LTN1: variants seen among roughly 807,000 people sequenced by gnomAD.
LTN1 encodes the protein listerin E3 ubiquitin protein ligase 1.
LTN1 carries 88 observed loss-of-function variants against 201.2 expected under a neutral mutation model. The observed-to-expected ratio is 0.44, with a 90% confidence interval of 0.37 to 0.52. The LOEUF is 0.52. LTN1 is among the 20% of genes least tolerant of loss of function. The pLI, the probability that LTN1 is intolerant of heterozygous loss-of-function variation, is 0.00. For missense variants in LTN1, 1,752 were observed against 2,038.7 expected, an observed-to-expected ratio of 0.86 and a Z score of 2.71; for synonymous variants, 645 against 713.5, an observed-to-expected ratio of 0.90 and a Z score of 1.53.
intron 26 of LTN1, among the ~76,000 whole-genome samples, chr21:28,935,670 C>T (rs1247873524): frequency 6.6e-6 from 1 of 151,928 alleles, no homozygotes; most frequent in Non-Finnish European, 1.5e-5. Context: ...GAAACCCCGT[C>T]TCTACTAAAA....
At position 28,931,182 on chromosome 21, in the gene LTN1, G is replaced by T; in HGVS notation, c.5211C>A (p.Cys1737Ter). The T allele has an allele frequency of 6.2e-7, 1 of 1,610,536 alleles. No individual in the cohort carries two copies. Among genetic ancestry groups the T allele is most frequent in the Non-Finnish European group, 8.5e-7 (1 of 1,179,024 alleles). The change falls in exon 29 of 30, where the codon TGC becomes TGA. Residue 1737 changes from cysteine (C) to a stop codon, truncating the protein, a stop_gained. Coordinates refer to ENST00000361371, the MANE Select transcript of LTN1 (RefSeq NM_015565.3). LOFTEE classifies it high-confidence loss of function. ...YSLPKKACRT[C>*]KKKFHSACLY... ...AGCAGGCTGAATGGAATTTTTTCTT[G>T]CATGTTCTACAGGCTTTTTTGGGAA... is the stretch of plus-strand genomic sequence containing the variant.
chr21:28,935,357 TAACATATA>T, intron 26 of LTN1, 28 bp from the exon 27 acceptor site: 1 of 1,319,830 alleles, frequency 7.6e-7, no homozygotes, highest in East Asian at 2.5e-5. Context: ...TATTGATTAG[TAACATATA>T]TTTCTTATAT....
rs780481832 is a variant in LTN1, at chr21:28,959,491, A to C, written c.2560T>G (p.Cys854Gly). 6.2e-7 allele frequency: 1 copy of C among 1,613,894 alleles called. No individual in the cohort carries two copies. The highest frequency in any genetic ancestry group is 8.5e-7 in the Non-Finnish European group (1 of 1,179,938). The change falls in exon 13 of 30, where the codon TGT becomes GGT. Residue 854 changes from cysteine (C) to glycine (G), a missense_variant. Physicochemically the swap from Cys to Gly is radical, Grantham distance 159 (BLOSUM62 -3). Transcript: ENST00000361371. ...TGTGTTTTTTCTTTGCTCTGAGCAC[A>C]TAACTGAAAGAGAGTTAATAATAAA... Reference protein sequence around the residue: ...EDLLLTLFQLCAQSKEKTHLP... With the variant: ...EDLLLTLFQLGAQSKEKTHLP...
chr21:28,992,330 G>A (rs2084753168), intron 1 of LTN1, among the ~76,000 whole-genome samples: 1 of 152,102 alleles, frequency 6.6e-6, no homozygotes, highest in Admixed American at 6.6e-5. Flanking sequence ...CATCCTAAGA[G>A]CTTTAGCTTA....
At position 28,969,448 on chromosome 21, in the gene LTN1, C is replaced by T; in HGVS notation, c.1311+18G>A. On this transcript the variant is annotated intron_variant, in intron 9 of 29. Transcript: ENST00000361371. Reference sequence around the variant, plus strand: ...AATCAGTATGCAAAGAGACTGACGACTTTTACATTATAGATACCTGATCAT... The same window carrying T: ...AATCAGTATGCAAAGAGACTGACGATTTTTACATTATAGATACCTGATCAT... 6.3e-7 allele frequency: 1 copy of T among 1,598,894 alleles called. No individual in the cohort carries two copies. Among genetic ancestry groups the T allele is most frequent in the Non-Finnish European group, 8.5e-7 (1 of 1,175,012 alleles).
chr21:28,969,198 G>C (rs935438624), intron 9 of LTN1, among the ~76,000 whole-genome samples: 11 of 150,922 alleles, frequency 7.3e-5, no homozygotes, highest in African/African-American at 2.7e-4. Flanking sequence ...TCCAGCCTGG[G>C]CAACAAAGAG....
chr21:28,932,655 G>C lies in LTN1; in HGVS notation c.4885C>G (p.Arg1629Gly), dbSNP rs1375914523. 6.2e-7 allele frequency: 1 copy of C among 1,607,952 alleles called. No individual in the cohort carries two copies. The highest frequency in any genetic ancestry group is 1.1e-5 in the South Asian group (1 of 89,732). ...GCCATTACCTCTCGAGTAGTAGCTCGAGCTTTAACCTGCAATACAACAAAG... is the reference window on the plus strand; with the variant it reads ...GCCATTACCTCTCGAGTAGTAGCTCCAGCTTTAACCTGCAATACAACAAAG... ...QLFNGMTVKA[R>G]ATTREVMATY... The change falls in exon 28 of 30, where the codon CGA becomes GGA. Residue 1629 changes from arginine (R) to glycine (G), a missense_variant. Arg to Gly is a moderately radical substitution (Grantham distance 125, BLOSUM62 -2). Coordinates refer to ENST00000361371, the MANE Select transcript of LTN1 (RefSeq NM_015565.3).
At chr21:28,946,353 G>A in intron 19 of LTN1, 66 bp from the exon 20 acceptor site, 1 of 1,105,122 alleles carries the variant, frequency 9.0e-7, no homozygotes, top group Non-Finnish European at 1.3e-6. Flanking sequence ...TTAAAAAAAA[G>A]TCCACTTTGA....
intron 16 of LTN1, among the ~76,000 whole-genome samples, chr21:28,955,695 C>T (rs547114196): frequency 3.6e-4 from 55 of 151,950 alleles, no homozygotes; most frequent in African/African-American, 1.2e-3. Context: ...GAGGCTGAGA[C>T]GGGCGGATCA....
chr21:28,975,465 A>C (rs1410886592), intron 6 of LTN1, among the ~76,000 whole-genome samples: 1 of 152,220 alleles, frequency 6.6e-6, no homozygotes, highest in Non-Finnish European at 1.5e-5. Flanking sequence ...GAGGTCAGTA[A>C]ACATTTTCCA....
intron 7 of LTN1, 129 bp from the exon 8 acceptor site, chr21:28,970,871 A>G: frequency 1.7e-6 from 1 of 592,044 alleles, no homozygotes; most frequent in South Asian, 3.7e-5. Flanking sequence ...AAAATCTTTC[A>G]CCACCATTAA....
chr21:28,947,322 A>T lies in LTN1; in HGVS notation c.3487+142T>A, dbSNP rs1039370707. 6.3e-6 allele frequency: 4 copies of T among 638,622 alleles called. No individual in the cohort carries two copies. The African/African-American group carries it at 7.7e-5, about 12-fold the overall frequency. The allele number at this position is 638,622 out of a possible 1,614,324, so 39.6% of individuals were successfully genotyped here. A position where few individuals can be genotyped will look rare whatever the true frequency, so the allele number is the denominator to read the frequency against. Reference sequence around the variant, plus strand: ...TGTAAAATGGTAACAGCCACTGTCTAACAACACTCATCCATATAATCTCAG... The same window carrying T: ...TGTAAAATGGTAACAGCCACTGTCTTACAACACTCATCCATATAATCTCAG... On this transcript the variant is annotated intron_variant, in intron 19 of 29. Transcript: ENST00000361371.
chr21:28,934,985 C>T lies in LTN1; in HGVS notation c.4875+124G>A, dbSNP rs73901114. 5.5e-4 allele frequency: 382 copies of T among 695,174 alleles called. 1 individual carries two copies. The African/African-American group carries it at 5.8e-3, about 11-fold the overall frequency. 43.1% of individuals were successfully genotyped at this position (695,174 alleles called of 1,614,324 possible). Reference sequence around the variant, plus strand: ...AGCGTTGGGATTAAGGCATGAGCCACGACTCCTGGCCACCAGTTTCTATAA... The same window carrying T: ...AGCGTTGGGATTAAGGCATGAGCCATGACTCCTGGCCACCAGTTTCTATAA... On this transcript the variant is annotated intron_variant, in intron 27 of 29. Transcript: ENST00000361371.
chr21:28,943,320 G>T lies in LTN1; in HGVS notation c.4237C>A (p.Pro1413Thr). 1 of 1,590,976 alleles carries T rather than the reference G, an allele frequency of 6.3e-7. No individual in the cohort carries two copies. The highest frequency in any genetic ancestry group is 8.6e-7 in the Non-Finnish European group (1 of 1,162,398). The stretch of plus-strand genomic sequence containing the variant: ...TTTAGATTATCCTGATCATACTGTG[G>T]TAATTCAGGCATCAATCTAGAAATT... ...HMLYKLMPEL[P>T]QYDQDNLKSY... The change falls in exon 24 of 30, where the codon CCA becomes ACA. Residue 1413 changes from proline (P) to threonine (T), a missense_variant. Physicochemically the swap from Pro to Thr is conservative, Grantham distance 38. Transcript: ENST00000361371.
At chr21:28,962,348 C>A (rs2084485888) in intron 11 of LTN1, among the ~76,000 whole-genome samples, 1 of 152,092 alleles carries the variant, frequency 6.6e-6, no homozygotes, top group Admixed American at 6.6e-5. Flanking sequence ...CATTTTACAA[C>A]AATATATGCT....
rs188109403 is a variant in LTN1, at chr21:28,942,715, T to A, written c.4295+547A>T. Among the ~76,000 whole-genome samples the A allele has an allele frequency of 1.9e-3, 296 of 152,278 alleles. 3 individuals are homozygous for A. Among genetic ancestry groups the A allele is most frequent in the African/African-American group, 7.0e-3 (289 of 41,560 alleles). On this transcript the variant is annotated intron_variant, in intron 24 of 29. Transcript: ENST00000361371. ...GCTACCTAACCTTAAAGGTCCAGTT[T>A]AAATGCCTCTTCCTCAAAAGAAAGT...
chr21:28,960,172 G>A (rs934208415), intron 12 of LTN1, among the ~76,000 whole-genome samples: 7 of 152,174 alleles, frequency 4.6e-5, no homozygotes, highest in Non-Finnish European at 1.0e-4. Flanking sequence ...TTCGAGACCA[G>A]CCTGGCCAAC....
In LTN1 at chr21:28,928,659, G is replaced by A. The variant is rs551113175; in HGVS notation, c.*1789C>T. ...TACAAGTCTTAAAGAAATGTATTAA[G>A]AGTCCTAAGTATGAAGAACAGTTAT... On this transcript the variant is annotated 3_prime_UTR_variant, in exon 30 of 30. Transcript: ENST00000361371. 84 of 152,146 alleles carry A rather than the reference G, an allele frequency of 5.5e-4. No homozygotes were observed. The highest frequency in any genetic ancestry group is 1.9e-3 in the African/African-American group (79 of 41,510). 9.4% of individuals were successfully genotyped at this position (152,146 alleles called of 1,614,324 possible). A position where few individuals can be genotyped will look rare whatever the true frequency, so the allele number is the denominator to read the frequency against.
chr21:28,949,950 T>C (rs1438832865), intron 18 of LTN1, among the ~76,000 whole-genome samples: 4 of 152,224 alleles, frequency 2.6e-5, no homozygotes, highest in Non-Finnish European at 5.9e-5. Context: ...GTTTCTGGAC[T>C]GTATCCACTG....
Sources: gnomAD v4.1 joint callset for allele counts (sites outside exome capture counted in the v4.1 genomes callset) on GRCh38, gnomAD v4.1.1 for gene constraint, MANE v1.5 for transcripts, NCBI Gene and HGNC (gene_info 2026-07-23, HGNC 2026-07-21) for gene names.